The following SPOCK3 variants were observed in gnomAD, a reference collection of about 807,000 sequenced individuals.
The protein encoded by SPOCK3 is SPARC (osteonectin), cwcv and kazal like domains proteoglycan 3.
Under a neutral mutation model 56.6 loss-of-function variants are expected in SPOCK3, and 30 were observed. The observed-to-expected ratio is 0.53, with a 90% CI of 0.40 to 0.72. The LOEUF is 0.72. Among genes scored for constraint, SPOCK3 ranks in the 30% least tolerant of loss-of-function variants. The probability of loss-of-function intolerance (pLI) is 0.00; values close to 1 mark genes in which losing one functional copy is unlikely to be tolerated. For synonymous variants in SPOCK3, 196 were observed against 183.3 expected (o/e 1.07, Z -0.56); for missense variants, 527 against 530.0 (o/e 0.99, Z 0.06).
intron 2 of SPOCK3, among the ~76,000 whole-genome samples, chr4:167,080,190 C>A (rs1224100369): frequency 6.6e-6 from 1 of 151,998 alleles, no homozygotes; most frequent in Non-Finnish European, 1.5e-5. Flanking sequence ...TGCTTACTCT[C>A]TAAGATAGTT....
At chr4:166,836,606 G>C (rs1746647759) in intron 6 of SPOCK3, among the ~76,000 whole-genome samples, 1 of 152,068 alleles carries the variant, frequency 6.6e-6, no homozygotes, top group African/African-American at 2.4e-5. Context: ...CATTTCCTAG[G>C]TGGTAAAAAT....
chr4:167,149,914 C>T (rs183018269), intron 2 of SPOCK3, among the ~76,000 whole-genome samples: 6 of 151,460 alleles, frequency 4.0e-5, no homozygotes, highest in African/African-American at 7.3e-5. Context: ...TTGAACTCAG[C>T]CACTTACTTG....
chr4:167,058,768 A>C (rs1189307187), intron 3 of SPOCK3, among the ~76,000 whole-genome samples: 1 of 152,208 alleles, frequency 6.6e-6, no homozygotes, highest in African/African-American at 2.4e-5. Context: ...AGGCTACAGT[A>C]ACCAAAACAG....
chr4:166,927,762 A>G (rs1739285200), intron 4 of SPOCK3, among the ~76,000 whole-genome samples: 1 of 152,190 alleles, frequency 6.6e-6, no homozygotes, highest in South Asian at 2.1e-4. Context: ...TTGTTTTGTG[A>G]AAGACAGCGT....
chr4:166,904,306 C>G (rs558323986), intron 5 of SPOCK3, among the ~76,000 whole-genome samples: 1 of 151,756 alleles, frequency 6.6e-6, no homozygotes, highest in Admixed American at 6.6e-5. Flanking sequence ...TAAAAATTAA[C>G]GCATTAGCTT....
intron 5 of SPOCK3, among the ~76,000 whole-genome samples, chr4:166,890,116 A>ACTTGT (rs1462385681): frequency 1.3e-5 from 2 of 151,898 alleles, no homozygotes; most frequent in South Asian, 2.1e-4. Context: ...AGTTTATTTC[A>ACTTGT]CTTGTTTTAC....
chr4:166,914,949 T>C (rs1737683076), intron 4 of SPOCK3, among the ~76,000 whole-genome samples: 1 of 152,108 alleles, frequency 6.6e-6, no homozygotes, highest in South Asian at 2.1e-4. Context: ...CTTTTTTTTA[T>C]TATTATTATA....
intron 3 of SPOCK3, among the ~76,000 whole-genome samples, chr4:167,008,553 C>T (rs770285443): frequency 2.0e-5 from 3 of 152,170 alleles, no homozygotes; most frequent in Non-Finnish European, 4.4e-5. Flanking sequence ...TAGATAGTCA[C>T]ATTTTTCTCT....
intron 6 of SPOCK3, among the ~76,000 whole-genome samples, chr4:166,851,197 A>AG (rs1318025289): frequency 6.6e-6 from 1 of 152,156 alleles, no homozygotes; most frequent in Non-Finnish European, 1.5e-5. Flanking sequence ...GGCACTCCCT[A>AG]GCAGGGGCAG....
intron 4 of SPOCK3, among the ~76,000 whole-genome samples, chr4:166,969,931 G>A (rs529148450): frequency 3.1e-4 from 47 of 152,092 alleles, no homozygotes; most frequent in Non-Finnish European, 5.9e-4. Flanking sequence ...TGATAAAAAT[G>A]CATTATGTTT....
intron 6 of SPOCK3, among the ~76,000 whole-genome samples, chr4:166,832,820 A>G (rs947721659): frequency 1.3e-5 from 2 of 152,202 alleles, no homozygotes; most frequent in African/African-American, 4.8e-5. Flanking sequence ...CAAATAGTGC[A>G]TATTCTCACT....
At chr4:166,959,332 C>T (rs572688107) in intron 4 of SPOCK3, among the ~76,000 whole-genome samples, 3 of 152,088 alleles carry the variant, frequency 2.0e-5, no homozygotes, top group South Asian at 2.1e-4. Flanking sequence ...ATTGAATTCT[C>T]GGCCAGGCGT....
At chr4:167,203,193 A>G (rs1277520853) in intron 2 of SPOCK3, among the ~76,000 whole-genome samples, 1 of 152,022 alleles carries the variant, frequency 6.6e-6, no homozygotes, top group East Asian at 1.9e-4. Flanking sequence ...GCTTATGAGT[A>G]GTATTACTAC....
At chr4:166,750,284 G>T (rs945034305) in intron 8 of SPOCK3, among the ~76,000 whole-genome samples, 1 of 152,076 alleles carries the variant, frequency 6.6e-6, no homozygotes, top group Admixed American at 6.6e-5. Context: ...CTAGATAAAA[G>T]AATAGTAACC....
chr4:166,749,879 G>T (rs1440152718), intron 8 of SPOCK3, among the ~76,000 whole-genome samples: 1 of 152,084 alleles, frequency 6.6e-6, no homozygotes, highest in African/African-American at 2.4e-5. Context: ...TAAGAGGAAA[G>T]AGTCCAGCTG....
rs75201921 is a variant in SPOCK3 at position 166,790,027 on chromosome 4, A to G, written c.709+2143T>C. ...ATGAATATTATCAATAATCATTCCT[A>G]GGGCACTAATTGAGTGACTAAACTA... On this transcript the variant is annotated intron_variant, in intron 7 of 10. Transcript: ENST00000357545. Among the ~76,000 whole-genome samples the G allele has an allele frequency of 2.2e-3, 335 of 152,308 alleles. 9 individuals are homozygous for G. The East Asian group carries it at 0.049, about 22-fold the overall frequency.
chr4:167,052,022 G>A (rs1754265466), intron 3 of SPOCK3, among the ~76,000 whole-genome samples: 1 of 152,158 alleles, frequency 6.6e-6, no homozygotes, highest in Non-Finnish European at 1.5e-5. Flanking sequence ...AATGTGATAT[G>A]AAGTAAATCA....
chr4:167,194,634 G>A (rs1441987708), intron 2 of SPOCK3, among the ~76,000 whole-genome samples: 3 of 152,186 alleles, frequency 2.0e-5, no homozygotes, highest in South Asian at 2.1e-4. Context: ...ACTGCCATTA[G>A]GAATGTAGCT....
intron 4 of SPOCK3, among the ~76,000 whole-genome samples, chr4:166,916,796 C>A (rs1480449572): frequency 6.6e-6 from 1 of 152,180 alleles, no homozygotes; most frequent in African/African-American, 2.4e-5. Context: ...TATTATGGAT[C>A]ATTTGATCTT....
Sources: allele counts gnomAD v4.1 joint callset (sites outside exome capture counted in the v4.1 genomes callset), GRCh38; gene constraint gnomAD v4.1.1; transcripts MANE v1.5; gene names NCBI Gene and HGNC (gene_info 2026-07-23, HGNC 2026-07-21).